PLEKHA6: variants seen among roughly 807,000 people sequenced by gnomAD.
PLEKHA6 encodes pleckstrin homology domain-containing family A member 6.
Under a neutral mutation model 116.7 loss-of-function variants are expected in PLEKHA6, and 60 were observed. The observed-to-expected ratio is 0.51, with a 90% CI of 0.42 to 0.64. The LOEUF (loss-of-function observed/expected upper bound fraction) is 0.64, where lower values mean the gene tolerates loss of function less well. PLEKHA6 is among the 30% of genes least tolerant of loss of function. The probability of loss-of-function intolerance (pLI) is 0.00; values close to 1 mark genes in which losing one functional copy is unlikely to be tolerated. For missense variants in PLEKHA6, 1,338 were observed against 1,422.7 expected (o/e 0.94, Z 0.96); for synonymous variants, 489 against 556.1 (o/e 0.88, Z 1.70).
At chr1:204,256,833 T>G in intron 9 of PLEKHA6, 2 of 658,500 alleles carry the variant, frequency 3.0e-6, no homozygotes, top group Admixed American at 2.2e-5. Flanking sequence ...GGATGGTGGG[T>G]AGTTGTAGGG....
upstream of PLEKHA6, among the ~76,000 whole-genome samples, chr1:204,364,527 G>A (rs561399010): frequency 1.7e-4 from 26 of 152,288 alleles, no homozygotes; most frequent in Middle Eastern, 0.01. Context: ...ATAAAGGTGC[G>A]GTGAGGAATA....
At chr1:204,307,036 A>G (rs1433951058) in intron 1 of PLEKHA6, among the ~76,000 whole-genome samples, 1 of 152,210 alleles carries the variant, frequency 6.6e-6, no homozygotes, top group Non-Finnish European at 1.5e-5. Context: ...GAGGAAGATG[A>G]ACATTTATGC....
At chr1:204,360,942 G>A (rs890206184), upstream of PLEKHA6, among the ~76,000 whole-genome samples, 4 of 152,088 alleles carry the variant, frequency 2.6e-5, no homozygotes, top group African/African-American at 4.8e-5. Context: ...CTCTATCCAC[G>A]GATTCTCTGT....
chr1:204,249,326 T>G, intron 10 of PLEKHA6, 62 bp from the exon 11 acceptor site: 1 of 1,201,334 alleles, frequency 8.3e-7, no homozygotes, highest in Non-Finnish European at 1.2e-6. Context: ...CATAGTTTGA[T>G]GGGGACCTGG....
Position 204,219,252 on chromosome 1 carries a change from T to C in PLEKHA6, c.*3536A>G, listed in dbSNP as rs1404537344. The stretch of plus-strand genomic sequence containing the variant: ...GTGTGTGTGTGTGTGTATATATATA[T>C]ATATATATAATGTGTGTGTATATCA... On this transcript the variant is annotated 3_prime_UTR_variant, in exon 23 of 23. Transcript: ENST00000272203. 3 of 152,102 alleles carry C rather than the reference T, an allele frequency of 2.0e-5. No individual in the cohort carries two copies. Among genetic ancestry groups the C allele is most frequent in the Non-Finnish European group, 4.4e-5 (3 of 67,882 alleles). 9.4% of individuals were successfully genotyped at this position (152,102 alleles called of 1,614,324 possible).
Position 204,292,144 on chromosome 1 carries a change from C to T in PLEKHA6, c.-94-17335G>A, listed in dbSNP as rs1669831106. Among the ~76,000 whole-genome samples, 3 of 152,152 alleles carry T rather than the reference C, an allele frequency of 2.0e-5. No individual in the cohort carries two copies. The South Asian group carries it at 6.2e-4, about 32-fold the overall frequency. On this transcript the variant is annotated intron_variant, in intron 1 of 22. Transcript: ENST00000272203. ...GATTTAGATCAAATAATGTAGCAGA[C>T]CTGAATACGGTCTTCATCAAAATAA... is the stretch of plus-strand genomic sequence containing the variant.
Position 204,268,179 on chromosome 1 carries a change from C to T in PLEKHA6, c.207+29G>A, listed in dbSNP as rs188508378. On this transcript the variant is annotated intron_variant, in intron 4 of 22. Transcript: ENST00000272203. ...TTCTGTGAGGAGAAGGTGGAGGCTACGGTGGCCAGAACCGCAGGGTGGCCT... is the reference window on the plus strand; with the variant it reads ...TTCTGTGAGGAGAAGGTGGAGGCTATGGTGGCCAGAACCGCAGGGTGGCCT... The T allele has an allele frequency of 1.6e-4, 231 of 1,412,634 alleles. 2 individuals carry two copies. Among genetic ancestry groups the T allele is most frequent in the African/African-American group, 3.1e-4 (22 of 70,724 alleles). 87.5% of individuals were successfully genotyped at this position (1,412,634 alleles called of 1,614,324 possible). A position where few individuals can be genotyped will look rare whatever the true frequency, so the allele number is the denominator to read the frequency against.
chr1:204,278,140 C>G (rs554729906), intron 1 of PLEKHA6, among the ~76,000 whole-genome samples: 1 of 152,346 alleles, frequency 6.6e-6, no homozygotes, highest in Non-Finnish European at 1.5e-5. Context: ...GCGCTCCCCC[C>G]TTTCCTAATG....
At chr1:204,344,038 C>T (rs1043478251) in intron 1 of PLEKHA6, among the ~76,000 whole-genome samples, 5 of 152,146 alleles carry the variant, frequency 3.3e-5, no homozygotes, top group Admixed American at 2.6e-4. Flanking sequence ...CCTATAATCC[C>T]AGCTACTCAG....
chr1:204,228,957 C>T lies in PLEKHA6; in HGVS notation c.2731G>A (p.Asp911Asn). 1 of 1,614,158 alleles carries T rather than the reference C, an allele frequency of 6.2e-7. No homozygotes were observed. The highest frequency in any genetic ancestry group is 8.5e-7 in the Non-Finnish European group (1 of 1,180,020). ...CTCACCTCCTTATTGATGTCCACGT[C>T]ATAATGCTGGGGCTCTAGCTCCATT... ...RKMELEPQHYDVDINKELSTP... is the reference protein window; with the variant it reads ...RKMELEPQHYNVDINKELSTP... The change falls in exon 19 of 23, where the codon GAC (aspartate) becomes AAC (asparagine). Residue 911 changes from aspartate to asparagine, a missense_variant. Around this residue, in one of 3 missense-constraint regions of PLEKHA6, gnomAD observed 1,136 missense variants for 1,163.6 expected, o/e 0.98. Transcript: ENST00000272203. This position sits in a 1 kb window ranked among gnomAD's most constrained non-coding sequence, Gnocchi z 4.0.
intron 1 of PLEKHA6, among the ~76,000 whole-genome samples, chr1:204,354,665 C>G (rs780819070): frequency 2.6e-5 from 4 of 152,152 alleles, no homozygotes; most frequent in Non-Finnish European, 1.5e-5. Flanking sequence ...CATATGGCTA[C>G]TACTTGGGTC....
intron 17 of PLEKHA6, among the ~76,000 whole-genome samples, chr1:204,230,936 A>C (rs1661099764): frequency 6.6e-6 from 1 of 152,318 alleles, no homozygotes; most frequent in South Asian, 2.1e-4. Flanking sequence ...AATAACCAGA[A>C]GTTTGGAGAG....
chr1:204,268,018 C>T (rs879749716), intron 4 of PLEKHA6, among the ~76,000 whole-genome samples, 190 bp downstream of exon 4: 63 of 152,168 alleles, frequency 4.1e-4, no homozygotes, highest in Admixed American at 5.9e-4. Context: ...AAGTTTGACA[C>T]AAATTTTTCT....
intron 1 of PLEKHA6, among the ~76,000 whole-genome samples, chr1:204,290,785 T>A (rs1669668295): frequency 6.6e-6 from 1 of 151,734 alleles, no homozygotes; most frequent in Non-Finnish European, 1.5e-5. Context: ...AGGTCAGGAG[T>A]TCGAGACCAG....
intron 18 of PLEKHA6, 125 bp downstream of exon 18, chr1:204,230,288 C>T (rs1660980849): frequency 2.9e-6 from 2 of 685,376 alleles, no homozygotes; most frequent in Admixed American, 3.5e-5. Flanking sequence ...TCCCAGGTGC[C>T]CAGCTTGGGT....
At chr1:204,271,377 G>C (rs1667436206) in intron 3 of PLEKHA6, among the ~76,000 whole-genome samples, 1 of 152,130 alleles carries the variant, frequency 6.6e-6, no homozygotes, top group African/African-American at 2.4e-5. Context: ...CTCAGCAACT[G>C]TTTGTAGAAG....
At chr1:204,274,872 C>A (rs138106364) in intron 1 of PLEKHA6, 63 bp from the exon 2 acceptor site, 4 of 984,640 alleles carry the variant, frequency 4.1e-6, no homozygotes, top group Non-Finnish European at 4.8e-6. Flanking sequence ...AAAGCCAATG[C>A]GTGGACAGAC....
intron 17 of PLEKHA6, among the ~76,000 whole-genome samples, chr1:204,234,649 G>C (rs1661684778): frequency 6.6e-6 from 1 of 152,092 alleles, no homozygotes; most frequent in South Asian, 2.1e-4. Context: ...GTCTGTGAAG[G>C]TGTTGCCAAA....
intron 1 of PLEKHA6, chr1:204,309,003 C>G: frequency 1.2e-6 from 1 of 851,748 alleles, no homozygotes; most frequent in Non-Finnish European, 1.4e-6. Context: ...GAAGGTAATT[C>G]TAAATTGCCT....
Sources: allele counts gnomAD v4.1 joint callset (sites outside exome capture counted in the v4.1 genomes callset), GRCh38; gene constraint gnomAD v4.1.1; regional missense constraint gnomAD v4.1.1; non-coding constraint Gnocchi (gnomAD v3.1); transcripts MANE v1.5; gene names NCBI Gene and HGNC (gene_info 2026-07-23, HGNC 2026-07-21).